SPART: variants seen among roughly 807,000 people sequenced by gnomAD.
SPART encodes spartin.
A neutral mutation model predicts 58.7 loss-of-function variants in SPART; 35 were observed. The ratio of observed to expected loss-of-function variants is 0.60; its 90% CI spans 0.46 to 0.79. SPART has a LOEUF of 0.79. SPART is among the 30% of genes least tolerant of loss of function. The pLI is 0.00. For missense variants in SPART, 730 were observed against 786.1 expected, an observed-to-expected ratio of 0.93 and a Z score of 0.85; for synonymous variants, 284 against 280.7, an observed-to-expected ratio of 1.01 and a Z score of -0.12.
rs922717296 is a variant in SPART at position 36,346,318 on chromosome 13, G to C, written c.-96C>G. ...GACCAGCTCCCACTCCCTTACACTG[G>C]GCGCCGCTGCGCTCGCCGGGGGCCG... On this transcript the variant is annotated 5_prime_UTR_variant, in exon 1 of 9. Transcript: ENST00000438666. 18 of 152,290 alleles carry C rather than the reference G, an allele frequency of 1.2e-4. No individual in the cohort carries two copies. The highest frequency in any genetic ancestry group is 8.5e-4 in the Admixed American group (13 of 15,304). The allele number at this position is 152,290 out of a possible 1,614,324, so 9.4% of individuals were successfully genotyped here.
chr13:36,329,627 G>T, intron 3 of SPART, 110 bp from the exon 4 acceptor site: 2 of 1,186,272 alleles, frequency 1.7e-6, no homozygotes, highest in Non-Finnish European at 2.5e-6. Context: ...ATGTCAGTTT[G>T]GCAGTCTATC....
chr13:36,341,518 A>C (rs1884587426), intron 1 of SPART, among the ~76,000 whole-genome samples: 1 of 152,182 alleles, frequency 6.6e-6, no homozygotes, highest in African/African-American at 2.4e-5. Context: ...ACCCCATTGC[A>C]AGTGCTCAAT....
chr13:36,331,616 G>A lies in SPART; in HGVS notation c.811-20C>T. On this transcript the variant is annotated intron_variant, in intron 2 of 8. Transcript: ENST00000438666. ...ACAAACCTGAAAGGATTCATTAGAA[G>A]AAAAAAAATATACATATAAATAAAT... is the stretch of plus-strand genomic sequence containing the variant. 2 of 1,541,386 alleles carry A rather than the reference G, an allele frequency of 1.3e-6. No individual in the cohort carries two copies. The highest frequency in any genetic ancestry group is 1.8e-6 in the Non-Finnish European group (2 of 1,121,144).
At chr13:36,319,160 T>G (rs1337904620) in intron 5 of SPART, among the ~76,000 whole-genome samples, 2 of 150,628 alleles carry the variant, frequency 1.3e-5, no homozygotes, top group Non-Finnish European at 3.0e-5. Flanking sequence ...AATACTCTTT[T>G]AAGCACTCCT....
At chr13:36,338,567 A>C (rs888503024) in intron 1 of SPART, among the ~76,000 whole-genome samples, 4 of 152,226 alleles carry the variant, frequency 2.6e-5, no homozygotes, top group Admixed American at 2.0e-4. Context: ...TCCTACACCA[A>C]GCAATCAGGA....
intron 5 of SPART, among the ~76,000 whole-genome samples, chr13:36,325,104 G>A (rs903099001): frequency 2.0e-5 from 3 of 152,172 alleles, no homozygotes; most frequent in Admixed American, 1.3e-4. Context: ...GGATGTGATG[G>A]CTTGGCTTGG....
intron 1 of SPART, among the ~76,000 whole-genome samples, chr13:36,355,024 G>A (rs1316813175): frequency 6.6e-6 from 1 of 152,194 alleles, no homozygotes; most frequent in Non-Finnish European, 1.5e-5. Flanking sequence ...CTTTAGGATT[G>A]TATTGATTCA....
At chr13:36,307,636 A>C (rs1294258937) in intron 8 of SPART, among the ~76,000 whole-genome samples, 1 of 152,146 alleles carries the variant, frequency 6.6e-6, no homozygotes. Context: ...AAGAAGCTTA[A>C]AGGTGAAACT....
At chr13:36,368,259 T>C in intron 1 of SPART, 1 of 425,868 alleles carries the variant, frequency 2.3e-6, no homozygotes, top group Non-Finnish European at 4.9e-6. Flanking sequence ...AGGTGTGTCC[T>C]CTGCCCAAAC....
intron 5 of SPART, among the ~76,000 whole-genome samples, chr13:36,321,306 T>G (rs1283090839): frequency 6.6e-6 from 1 of 152,196 alleles, no homozygotes; most frequent in Non-Finnish European, 1.5e-5. Flanking sequence ...CCTGGTGCTG[T>G]CCCCAAACTG....
chr13:36,314,630 A>G (rs1457838645), intron 5 of SPART, among the ~76,000 whole-genome samples: 1 of 152,234 alleles, frequency 6.6e-6, no homozygotes, highest in Non-Finnish European at 1.5e-5. Context: ...CTATGCTGCC[A>G]CTACCTAGTA....
chr13:36,329,272 A>G, intron 4 of SPART, 90 bp downstream of exon 4: 1 of 1,450,322 alleles, frequency 6.9e-7, no homozygotes, highest in South Asian at 1.2e-5. Flanking sequence ...GCTTTGCTTT[A>G]GTATATGGGA....
chr13:36,332,912 G>A (rs1360697945), intron 2 of SPART, among the ~76,000 whole-genome samples: 2 of 152,006 alleles, frequency 1.3e-5, no homozygotes, highest in African/African-American at 4.8e-5. Context: ...TGACAAGTGG[G>A]ACAATTTAGT....
upstream of SPART, among the ~76,000 whole-genome samples, chr13:36,347,189 G>A (rs1297756163): frequency 6.6e-6 from 1 of 151,898 alleles, no homozygotes; most frequent in African/African-American, 2.4e-5. Flanking sequence ...GTACTTGCCC[G>A]GAGCATTTAG....
chr13:36,320,199 A>C (rs1882226681), intron 5 of SPART, among the ~76,000 whole-genome samples: 1 of 151,854 alleles, frequency 6.6e-6, no homozygotes, highest in Non-Finnish European at 1.5e-5. Flanking sequence ...TCTTCCTCAT[A>C]CCTGACGCAT....
chr13:36,356,229 T>TAC (rs758441516), intron 1 of SPART, among the ~76,000 whole-genome samples: 17 of 152,226 alleles, frequency 1.1e-4, no homozygotes, highest in Non-Finnish European at 1.8e-4. Context: ...ACTGAATAAA[T>TAC]ACGAGTCTTG....
intron 1 of SPART, among the ~76,000 whole-genome samples, chr13:36,345,810 G>T (rs1484955252): frequency 6.6e-6 from 1 of 152,150 alleles, no homozygotes; most frequent in African/African-American, 2.4e-5. Flanking sequence ...CCTTGACGGG[G>T]CCATGGGCGC....
chr13:36,322,463 A>C (rs751821686), intron 5 of SPART, among the ~76,000 whole-genome samples: 4 of 151,988 alleles, frequency 2.6e-5, no homozygotes, highest in Non-Finnish European at 5.9e-5. Flanking sequence ...AAACAAAACA[A>C]AACACAAAAA....
At chr13:36,354,491 A>C (rs1313286794) in intron 1 of SPART, among the ~76,000 whole-genome samples, 1 of 152,180 alleles carries the variant, frequency 6.6e-6, no homozygotes, top group Middle Eastern at 3.2e-3. Flanking sequence ...TTGATCCCCA[A>C]TAAAAATCCT....
Sources: gnomAD v4.1 joint callset for allele counts (sites outside exome capture counted in the v4.1 genomes callset) on GRCh38, gnomAD v4.1.1 for gene constraint, MANE v1.5 for transcripts, NCBI Gene and HGNC (gene_info 2026-07-23, HGNC 2026-07-21) for gene names.